Variants in OPRM1 observed in about 807,000 individuals in gnomAD.
The protein encoded by OPRM1 is mu-type opioid receptor.
A neutral mutation model predicts 31.8 loss-of-function variants in OPRM1; 27 were observed. That is an observed-to-expected ratio of 0.85 (90% CI 0.63 to 1.17). OPRM1 has a LOEUF of 1.17. OPRM1 is among the 50% of genes most tolerant of loss of function. The pLI, the probability that OPRM1 is intolerant of heterozygous loss-of-function variation, is 0.00. For missense variants in OPRM1, 536 were observed against 511.1 expected (o/e 1.05, Z -0.47); for synonymous variants, 196 against 189.9 (o/e 1.03, Z -0.26).
At chr6:154,229,356 T>TG (rs903784102) in intron 3 of OPRM1, among the ~76,000 whole-genome samples, 6 of 147,990 alleles carry the variant, frequency 4.1e-5, no homozygotes, top group African/African-American at 1.5e-4. Flanking sequence ...GTTTTTTTTT[T>TG]TTTTTTTTTT....
intron 3 of OPRM1, among the ~76,000 whole-genome samples, chr6:154,236,673 C>T (rs1278080372): frequency 6.6e-6 from 1 of 152,154 alleles, no homozygotes; most frequent in Non-Finnish European, 1.5e-5. Context: ...CAGTGGCTGA[C>T]CTGCTGTTAA....
intron 3 of OPRM1, among the ~76,000 whole-genome samples, chr6:154,185,122 T>C (rs555611027): frequency 1.3e-5 from 2 of 152,304 alleles, no homozygotes; most frequent in East Asian, 1.9e-4. Context: ...AAGAAACATA[T>C]TGAATATTAT....
In OPRM1 at chr6:154,130,934, G is replaced by T; in HGVS notation, c.*12213G>T. 6.6e-6 allele frequency among the ~76,000 whole-genome samples: 1 copy of T among 151,268 alleles called. No homozygotes were observed. Among genetic ancestry groups the T allele is most frequent in the African/African-American group, 2.4e-5 (1 of 41,162 alleles). ...ATGTAAAACAATGAGTGATCTTGTT[G>T]TTTTCATTTTATTATGTTATATGAA... On this transcript the variant is annotated 3_prime_UTR_variant, in exon 4 of 4. Transcript: ENST00000330432.
rs1792180016 is a variant in OPRM1, at chr6:154,091,443, G to A, written c.1135G>A (p.Ala379Thr). Residue 379 changes from alanine (A) to threonine (T), a missense_variant, in exon 3 of 4, where the codon GCC becomes ACC. Coordinates refer to ENST00000330432, the MANE Select transcript of OPRM1 (RefSeq NM_000914.5). ...RQNTRDHPST[A>T]NTVDRTNHQL... ...GAACACTAGAGACCACCCCTCCACGGCCAATACAGTGGATAGAACTAATCA... is the reference window on the plus strand; with the variant it reads ...GAACACTAGAGACCACCCCTCCACGACCAATACAGTGGATAGAACTAATCA... 6.2e-7 allele frequency: 1 copy of A among 1,613,146 alleles called. No homozygotes were observed. The highest frequency in any genetic ancestry group is 8.5e-7 in the Non-Finnish European group (1 of 1,180,016).
downstream of OPRM1, among the ~76,000 whole-genome samples, chr6:154,133,185 A>ATTGAAAAGAGTTATTTACAAGGGCCTT (rs1470617570): frequency 1.3e-5 from 2 of 152,140 alleles, no homozygotes; most frequent in Non-Finnish European, 2.9e-5. Flanking sequence ...TAGATTGCCT[A>ATTGAAAAGAGTTATTTACAAGGGCCTT]TTGAAAAGAG....
At position 154,109,090 on chromosome 6, in the gene OPRM1, AGACAATACACTTCAGGAAC is replaced by A; in HGVS notation, c.1165-9590_1165-9572del. ...AAAGAAATGTTAGCCTCACTCTAAT[AGACAATACACTTCAGGAAC>A]GAAATAAGCAAATTAGATTGTGTTC... On this transcript the variant is annotated intron_variant, in intron 3 of 3. Transcript: ENST00000330432. The A allele has an allele frequency of 3.1e-6, 3 of 954,342 alleles. No homozygotes were observed. The South Asian group carries it at 1.5e-4, about 46-fold the overall frequency. 59.1% of individuals were successfully genotyped at this position (954,342 alleles called of 1,614,324 possible). A position where few individuals can be genotyped will look rare whatever the true frequency, so the allele number is the denominator to read the frequency against.
intron 1 of OPRM1, among the ~76,000 whole-genome samples, chr6:154,019,312 T>TCACACA (rs146861614): frequency 2.0e-4 from 29 of 147,914 alleles, no homozygotes; most frequent in African/African-American, 4.4e-4. Context: ...CATTGCTCCC[T>TCACACA]CACACACACA....
At chr6:154,036,282 A>G (rs370341994), upstream of OPRM1, among the ~76,000 whole-genome samples, 99 of 152,226 alleles carry the variant, frequency 6.5e-4, no homozygotes, top group African/African-American at 2.2e-3. Flanking sequence ...TGAATTGTAT[A>G]TTAAATGGGT....
chr6:154,142,993 A>G (rs1412771243), intron 3 of OPRM1, among the ~76,000 whole-genome samples: 1 of 152,162 alleles, frequency 6.6e-6, no homozygotes, highest in Non-Finnish European at 1.5e-5. Context: ...TCCAGGTTCC[A>G]TACCAATCAG....
chr6:154,238,243 G>A (rs1016281229), intron 3 of OPRM1, among the ~76,000 whole-genome samples: 3 of 152,042 alleles, frequency 2.0e-5, no homozygotes, highest in African/African-American at 7.2e-5. Context: ...TGCCATGGTG[G>A]TAGGAACCTT....
At chr6:154,023,239 T>A (rs1236003487) in intron 1 of OPRM1, among the ~76,000 whole-genome samples, 3 of 152,226 alleles carry the variant, frequency 2.0e-5, no homozygotes, top group East Asian at 1.9e-4. Context: ...TTACTTTTTT[T>A]ATAGTTTTCA....
At chr6:154,069,376 T>C (rs1418363339) in intron 1 of OPRM1, among the ~76,000 whole-genome samples, 2 of 152,090 alleles carry the variant, frequency 1.3e-5, no homozygotes, top group African/African-American at 4.8e-5. Context: ...GTAGCAGGGA[T>C]TACAGGTGCA....
chr6:154,223,152 A>C, intron 3 of OPRM1: 1 of 1,598,912 alleles, frequency 6.3e-7, no homozygotes. Flanking sequence ...GTTTTGTGGA[A>C]GATGAGAGAC....
downstream of OPRM1, among the ~76,000 whole-genome samples, chr6:154,136,925 C>T (rs925966937): frequency 2.6e-5 from 4 of 152,210 alleles, no homozygotes; most frequent in Non-Finnish European, 5.9e-5. Flanking sequence ...AAGCAGCTCA[C>T]ATTTTAAACC....
chr6:154,145,165 A>G (rs1456173723), intron 3 of OPRM1, among the ~76,000 whole-genome samples: 2 of 152,238 alleles, frequency 1.3e-5, no homozygotes, highest in Non-Finnish European at 2.9e-5. Flanking sequence ...GAAGGAAATA[A>G]AAGTCATACA....
Position 154,058,262 on chromosome 6 carries a change from C to T in OPRM1, c.290+18428C>T, listed in dbSNP as rs982665186. Reference sequence around the variant, plus strand: ...TCTGCTATATCAAAAAATTCTAACACTATTAAAAAGATGAAAAATGATGTT... The same window carrying T: ...TCTGCTATATCAAAAAATTCTAACATTATTAAAAAGATGAAAAATGATGTT... On this transcript the variant is annotated intron_variant, in intron 1 of 3. Transcript: ENST00000330432. Among the ~76,000 whole-genome samples, 24 of 152,210 alleles carry T rather than the reference C, an allele frequency of 1.6e-4. 1 individual carries two copies. Among genetic ancestry groups the T allele is most frequent in the Admixed American group, 1.2e-3 (19 of 15,298 alleles).
chr6:154,050,976 C>G (rs1344798150), intron 1 of OPRM1, among the ~76,000 whole-genome samples: 1 of 151,992 alleles, frequency 6.6e-6, no homozygotes, highest in Non-Finnish European at 1.5e-5. Flanking sequence ...ATTTTCAAAA[C>G]TAAATTGATT....
chr6:154,167,496 T>C (rs1302852061), intron 3 of OPRM1, among the ~76,000 whole-genome samples: 1 of 152,214 alleles, frequency 6.6e-6, no homozygotes, highest in Non-Finnish European at 1.5e-5. Flanking sequence ...TCCTGAAGAC[T>C]GGTACCCTTG....
chr6:154,135,237 G>A (rs957375627), downstream of OPRM1, among the ~76,000 whole-genome samples: 5 of 152,204 alleles, frequency 3.3e-5, no homozygotes, highest in Non-Finnish European at 5.9e-5. Context: ...GGGAGGCCAA[G>A]GCGGGTGGAT....
Sources: allele counts gnomAD v4.1 joint callset (sites outside exome capture counted in the v4.1 genomes callset), GRCh38; gene constraint gnomAD v4.1.1; transcripts MANE v1.5; gene names NCBI Gene and HGNC (gene_info 2026-07-23, HGNC 2026-07-21).